FHIT: variants seen among roughly 807,000 people sequenced by gnomAD.
FHIT encodes bis(5'-adenosyl)-triphosphatase.
A neutral mutation model predicts 17.9 loss-of-function variants in FHIT; 19 were observed. The ratio of observed to expected loss-of-function variants is 1.06; its 90% CI spans 0.74 to 1.56. FHIT has a LOEUF of 1.56. Ranked by LOEUF, FHIT falls within the 40% of genes most tolerant of loss-of-function variation. The pLI, the probability that FHIT is intolerant of heterozygous loss-of-function variation, is 0.00. For synonymous variants in FHIT, 81 were observed against 69.7 expected (o/e 1.16, Z -0.81); for missense variants, 248 against 189.2 (o/e 1.31, Z -1.82).
At chr3:60,299,818 C>T (rs1371602005) in intron 5 of FHIT, among the ~76,000 whole-genome samples, 1 of 152,014 alleles carries the variant, frequency 6.6e-6, no homozygotes, top group Non-Finnish European at 1.5e-5. Flanking sequence ...TCCCACTTGG[C>T]CTTTGCTGTT....
At chr3:60,627,628 ATTC>A (rs1276386418) in intron 4 of FHIT, among the ~76,000 whole-genome samples, 1 of 152,030 alleles carries the variant, frequency 6.6e-6, no homozygotes, top group Non-Finnish European at 1.5e-5. Context: ...GGTTCAAGCA[ATTC>A]TTCTGCCTCA....
chr3:59,760,406 C>A (rs753922074), intron 8 of FHIT, among the ~76,000 whole-genome samples: 1 of 152,152 alleles, frequency 6.6e-6, no homozygotes, highest in Non-Finnish European at 1.5e-5. Flanking sequence ...ATTGCCAAAG[C>A]GGCAAATGAG....
In FHIT at chr3:60,647,569, A is replaced by G. The variant is rs371473481; in HGVS notation, c.-17-110590T>C. 2.6e-5 allele frequency among the ~76,000 whole-genome samples: 4 copies of G among 152,236 alleles called. No individual in the cohort carries two copies. In the East Asian group the frequency reaches 5.8e-4, roughly 22 times the overall value. On this transcript the variant is annotated intron_variant, in intron 4 of 9. Coordinates refer to ENST00000492590, the MANE Select transcript of FHIT (RefSeq NM_002012.4). ...CTCTCCTCTGCCCCTTGATCTGACA[A>G]ATGTTCAAAGGATTACTTAAAATAG...
intron 5 of FHIT, among the ~76,000 whole-genome samples, chr3:60,104,134 A>G (rs1704306935): frequency 6.6e-6 from 1 of 152,154 alleles, no homozygotes; most frequent in Admixed American, 6.5e-5. Flanking sequence ...TTTGGGGAGG[A>G]AAAAAAGTCC....
intron 5 of FHIT, among the ~76,000 whole-genome samples, chr3:60,397,992 C>T (rs1282837984): frequency 2.6e-5 from 4 of 152,122 alleles, no homozygotes; most frequent in Non-Finnish European, 5.9e-5. Flanking sequence ...AGAATTTTCC[C>T]ACTTTCGGGT....
chr3:60,846,706 G>C (rs1419788796), intron 3 of FHIT, among the ~76,000 whole-genome samples: 1 of 152,200 alleles, frequency 6.6e-6, no homozygotes, highest in Non-Finnish European at 1.5e-5. Flanking sequence ...GTGATGAAGT[G>C]CAAAGCTGTA....
At chr3:60,316,504 T>C (rs2106783915) in intron 5 of FHIT, among the ~76,000 whole-genome samples, 1 of 152,306 alleles carries the variant, frequency 6.6e-6, no homozygotes, top group East Asian at 1.9e-4. Context: ...ATCCTAAATG[T>C]ATGCAGATCA....
intron 2 of FHIT, among the ~76,000 whole-genome samples, chr3:61,081,475 C>T (rs1466960249): frequency 4.6e-5 from 7 of 152,230 alleles, no homozygotes; most frequent in Admixed American, 4.6e-4. Context: ...TTATGTTCTA[C>T]TGTCTGCTAA....
intron 2 of FHIT, among the ~76,000 whole-genome samples, chr3:61,199,033 C>A (rs115037953): frequency 6.6e-6 from 1 of 152,122 alleles, no homozygotes; most frequent in Non-Finnish European, 1.5e-5. Context: ...TAATTCTCCA[C>A]ACCTACATGA....
chr3:61,216,674 G>A lies in FHIT; in HGVS notation c.-212-16009C>T, dbSNP rs533041173. Among the ~76,000 whole-genome samples the A allele has an allele frequency of 3.9e-4, 60 of 152,234 alleles. 1 individual carries two copies. In the South Asian group the frequency reaches 7.9e-3, roughly 20 times the overall value. On this transcript the variant is annotated intron_variant, in intron 1 of 9. Transcript: ENST00000492590. Reference sequence around the variant, plus strand: ...TACCCAAAGGACTATAAATCATGCTGCTATAAAGACACATGCACACGTATG... The same window carrying A: ...TACCCAAAGGACTATAAATCATGCTACTATAAAGACACATGCACACGTATG...
chr3:60,113,420 G>A (rs1359757340), intron 5 of FHIT, among the ~76,000 whole-genome samples: 1 of 151,910 alleles, frequency 6.6e-6, no homozygotes, highest in Non-Finnish European at 1.5e-5. Flanking sequence ...GAGAAAGAGA[G>A]AGCTGTTCAA....
intron 2 of FHIT, among the ~76,000 whole-genome samples, chr3:61,151,221 T>C (rs17637774): frequency 0.18 from 27,797 of 152,182 alleles, 2,638 homozygotes; most frequent in South Asian, 0.28. Context: ...AGACCAAATG[T>C]ATGCATCAAC....
At chr3:60,983,791 G>A (rs544603544) in intron 3 of FHIT, among the ~76,000 whole-genome samples, 3 of 152,224 alleles carry the variant, frequency 2.0e-5, no homozygotes, top group Non-Finnish European at 2.9e-5. Flanking sequence ...CCTGAAGCTT[G>A]CACTCATGGC....
intron 5 of FHIT, among the ~76,000 whole-genome samples, chr3:60,219,134 C>T (rs940182682): frequency 2.0e-5 from 3 of 152,098 alleles, no homozygotes; most frequent in African/African-American, 7.2e-5. Flanking sequence ...ATTTTGTTCA[C>T]AAATTATCTA....
chr3:60,154,352 A>G (rs544257899), intron 5 of FHIT, among the ~76,000 whole-genome samples: 1 of 152,286 alleles, frequency 6.6e-6, no homozygotes, highest in Admixed American at 6.5e-5. Context: ...CAAACAGGCC[A>G]TGGTAGGGAT....
chr3:60,547,951 C>T (rs1052679254), intron 4 of FHIT, among the ~76,000 whole-genome samples: 2 of 151,978 alleles, frequency 1.3e-5, no homozygotes, highest in South Asian at 2.1e-4. Context: ...ATTCTTTTTC[C>T]GGATTTGCTT....
rs9833603 is a variant in FHIT at position 60,918,325 on chromosome 3, G to C, written c.-110-96314C>G. On this transcript the variant is annotated intron_variant, in intron 3 of 9. Transcript: ENST00000492590. ...AGAAAACAGCATCTACCTGACTTTGGTTAAATTCATTCAACTCAGCAAACA... is the reference window on the plus strand; with the variant it reads ...AGAAAACAGCATCTACCTGACTTTGCTTAAATTCATTCAACTCAGCAAACA... 3.2e-3 allele frequency among the ~76,000 whole-genome samples: 486 copies of C among 152,268 alleles called. 5 individuals carry two copies. The highest frequency in any genetic ancestry group is 0.024 in the Middle Eastern group (7 of 294).
intron 5 of FHIT, among the ~76,000 whole-genome samples, chr3:60,037,632 T>G (rs1413526503): frequency 6.6e-6 from 1 of 152,134 alleles, no homozygotes; most frequent in African/African-American, 2.4e-5. Flanking sequence ...TCCGCCCGAC[T>G]TGGCCTCTCA....
At chr3:61,094,077 G>GA (rs1227129493) in intron 2 of FHIT, among the ~76,000 whole-genome samples, 1 of 151,782 alleles carries the variant, frequency 6.6e-6, no homozygotes, top group Non-Finnish European at 1.5e-5. Context: ...AAATTAAAAA[G>GA]AAAAAATTAC....
Sources: allele counts gnomAD v4.1 joint callset (sites outside exome capture counted in the v4.1 genomes callset), GRCh38; gene constraint gnomAD v4.1.1; transcripts MANE v1.5; gene names NCBI Gene and HGNC (gene_info 2026-07-23, HGNC 2026-07-21).